Variants in LAMB1 observed in about 807,000 individuals in gnomAD.
LAMB1 encodes laminin subunit beta 1.
In LAMB1, 121 loss-of-function variants were observed where a neutral mutation model predicts 222.3. The ratio of observed to expected loss-of-function variants is 0.54; its 90% confidence interval spans 0.47 to 0.63. The LOEUF is 0.63. LAMB1 is among the 30% of genes least tolerant of loss of function. LAMB1 has a pLI of 0.00. For synonymous variants in LAMB1, 794 were observed against 807.2 expected (o/e 0.98, Z 0.28); for missense variants, 2,172 against 2,240.8 (o/e 0.97, Z 0.62).
At chr7:107,928,703 C>T (rs753134144) in intron 31 of LAMB1, among the ~76,000 whole-genome samples, 70 of 152,220 alleles carry the variant, frequency 4.6e-4, no homozygotes, top group Non-Finnish European at 8.1e-4. Context: ...ATGTTGGCCA[C>T]GCTGGTCTTG....
rs1157502197 is a variant in LAMB1, at chr7:107,933,986, A to AT, written c.4188+1428dup. On this transcript the variant is annotated intron_variant, in intron 27 of 33. Coordinates refer to ENST00000222399, the MANE Select transcript of LAMB1 (RefSeq NM_002291.3). Reference sequence around the variant, plus strand: ...ACACAGAACTTGTTTGTGATAACTGATTTTTTTTTTTTAACTACAATATGT... The same window carrying AT: ...ACACAGAACTTGTTTGTGATAACTGATTTTTTTTTTTTTAACTACAATATGT... Among the ~76,000 whole-genome samples the AT allele has an allele frequency of 4.6e-3, 676 of 147,796 alleles. 4 individuals carry two copies. Among genetic ancestry groups the AT allele is most frequent in the African/African-American group, 0.013 (541 of 40,604 alleles).
chr7:107,963,570 C>T (rs1281434769), intron 14 of LAMB1, among the ~76,000 whole-genome samples: 1 of 152,154 alleles, frequency 6.6e-6, no homozygotes, highest in Non-Finnish European at 1.5e-5. Flanking sequence ...TTTTTAATAC[C>T]TGTGGTTGGT....
At chr7:107,965,725 T>C (rs550646516) in intron 13 of LAMB1, among the ~76,000 whole-genome samples, 1 of 152,286 alleles carries the variant, frequency 6.6e-6, no homozygotes, top group South Asian at 2.1e-4. Flanking sequence ...TTCTTTCTTT[T>C]TTTCTCATCC....
At chr7:107,979,811 C>T (rs2255885) in intron 8 of LAMB1, among the ~76,000 whole-genome samples, 2,230 of 152,312 alleles carry the variant, frequency 0.015, 51 homozygotes, top group African/African-American at 0.051. Context: ...CATTGGCTCA[C>T]GCCTGTAATT....
At chr7:107,954,247 C>T (rs2033326631) in intron 21 of LAMB1, among the ~76,000 whole-genome samples, 1 of 152,034 alleles carries the variant, frequency 6.6e-6, no homozygotes, top group African/African-American at 2.4e-5. Flanking sequence ...CCTGAATTTC[C>T]GGGCTCAAGG....
In LAMB1 at chr7:107,932,358, C is replaced by T. The variant is rs771327908; in HGVS notation, c.4208G>A (p.Gly1403Glu). The T allele has an allele frequency of 4.3e-6, 7 of 1,614,178 alleles. No individual in the cohort carries two copies. The East Asian group carries it at 6.7e-5, about 15-fold the overall frequency. Residue 1403 changes from glycine (G) to glutamate (E), a missense_variant, in exon 28 of 34, where the codon GGG becomes GAG. Physicochemically the swap from Gly to Glu is moderately conservative, Grantham distance 98. Transcript: ENST00000222399. ...AAEMTCGTPP[G>E]ASCSETECGG... Reference sequence around the variant, plus strand: ...ACATTCAGTCTCGGAACAGGAGGCCCCTGGGGGTGTTCCACAGGTCTGCAA... The same window carrying T: ...ACATTCAGTCTCGGAACAGGAGGCCTCTGGGGGTGTTCCACAGGTCTGCAA...
At chr7:107,956,957 AG>A (rs1368017060) in intron 20 of LAMB1, among the ~76,000 whole-genome samples, 3 of 152,376 alleles carry the variant, frequency 2.0e-5, no homozygotes, top group Non-Finnish European at 2.9e-5. Context: ...GGGTCCTTAA[AG>A]CAATACATTC....
At chr7:107,975,958 A>AG in intron 9 of LAMB1, 81 bp from the exon 10 acceptor site, 1 of 1,256,304 alleles carries the variant, frequency 8.0e-7, no homozygotes, top group Non-Finnish European at 1.1e-6. Flanking sequence ...AAGATCCTTT[A>AG]GGAAACCAGG....
At chr7:107,961,703 G>C in intron 15 of LAMB1, 27 bp from the exon 16 acceptor site, 1 of 1,603,368 alleles carries the variant, frequency 6.2e-7, no homozygotes, top group Non-Finnish European at 8.5e-7. Flanking sequence ...ACAATGAAAA[G>C]ATAGTTAGCC....
Position 107,973,029 on chromosome 7 carries a change from G to A in LAMB1, c.1525C>T (p.Pro509Ser), listed in dbSNP as rs760662838. The A allele has an allele frequency of 1.9e-6, 3 of 1,614,028 alleles. No individual in the cohort carries two copies. In the South Asian group the frequency reaches 3.3e-5, roughly 18 times the overall value. The change falls in exon 13 of 34, where the codon CCA becomes TCA. Residue 509 changes from proline (P) to serine (S), a missense_variant. Pro to Ser is a moderately conservative substitution (Grantham distance 74). Coordinates refer to ENST00000222399, the MANE Select transcript of LAMB1 (RefSeq NM_002291.3). The part of the protein sequence containing the change: ...GLSNDLDGCR[P>S]CDCDLGGALN... ...GCTCCCCCAAGGTCACAGTCACATG[G>A]TCGACATCCATCCAAATCATTGCTT... is the stretch of plus-strand genomic sequence containing the variant.
rs2033543614 is a variant in LAMB1 at position 107,962,973 on chromosome 7, A to G, written c.1789T>C (p.Leu597=). The change falls in exon 15 of 34, where the codon TTG becomes CTG. Residue 597 remains leucine, a synonymous_variant. Transcript: ENST00000222399. ...GGTATGTTGTCAATGAAAAACTCCAAATAAGCCCCTTCAGGCACTCGGACG... is the reference window on the plus strand; with the variant it reads ...GGTATGTTGTCAATGAAAAACTCCAGATAAGCCCCTTCAGGCACTCGGACG... ...GFVRVPEGAY[L]EFFIDNIPYS... is the part of the protein sequence containing the mutation. The G allele has an allele frequency of 6.2e-7, 1 of 1,614,066 alleles. No individual in the cohort carries two copies.
chr7:107,977,157 A>T (rs2033883895), intron 9 of LAMB1, among the ~76,000 whole-genome samples: 1 of 147,490 alleles, frequency 6.8e-6, no homozygotes, highest in Non-Finnish European at 1.5e-5. Context: ...ATCAAGGGCC[A>T]TCTGGTTTTT....
chr7:107,947,983 CTTTTTTT>C (rs10630521), intron 24 of LAMB1, among the ~76,000 whole-genome samples: 7 of 117,256 alleles, frequency 6.0e-5, no homozygotes, highest in Non-Finnish European at 8.3e-5. Context: ...TCTTCTTCTT[CTTTTTTT>C]TTTTTTTTTT....
chr7:107,935,350 T>TTTTG, intron 27 of LAMB1, 65 bp downstream of exon 27: 2 of 362,304 alleles, frequency 5.5e-6, no homozygotes, highest in South Asian at 8.1e-5. Context: ...TTTCTTTGTT[T>TTTTG]TTTTTTTTTT....
chr7:107,934,661 C>G (rs942434491), intron 27 of LAMB1, among the ~76,000 whole-genome samples: 5 of 152,054 alleles, frequency 3.3e-5, no homozygotes, highest in African/African-American at 1.2e-4. Context: ...AGCTAATACC[C>G]GTGAAAAAAT....
chr7:107,950,934 G>C lies in LAMB1; in HGVS notation c.3391+292C>G, dbSNP rs1584499305. Among the ~76,000 whole-genome samples, 3 of 89,808 alleles carry C rather than the reference G, an allele frequency of 3.3e-5. No individual in the cohort carries two copies. The East Asian group carries it at 2.4e-3, about 71-fold the overall frequency. The allele number at this position is 89,808 out of a possible 152,430, so 58.9% of individuals were successfully genotyped here. On this transcript the variant is annotated intron_variant, in intron 24 of 33. Coordinates refer to ENST00000222399, the MANE Select transcript of LAMB1 (RefSeq NM_002291.3). Reference sequence around the variant, plus strand: ...CTGTGTGTATTTGTGGTGTGTGTGTGTGTGTGTGTGTGTGTGTGTGTGTGT... The same window carrying C: ...CTGTGTGTATTTGTGGTGTGTGTGTCTGTGTGTGTGTGTGTGTGTGTGTGT...
At chr7:107,931,246 T>G in intron 29 of LAMB1, 110 bp downstream of exon 29, 1 of 923,384 alleles carries the variant, frequency 1.1e-6, no homozygotes, top group Non-Finnish European at 1.6e-6. Context: ...GACGTTTTTC[T>G]TATTTGGAAA....
Position 107,993,250 on chromosome 7 carries a change from C to T in LAMB1, c.423+1637G>A, listed in dbSNP as rs141485070. On this transcript the variant is annotated intron_variant, in intron 5 of 33. Transcript: ENST00000222399. Reference sequence around the variant, plus strand: ...CAGGGTTCAAACGATTCTCCTGCCTCGGCCTCCCAAGTAGCTGGGACTACA... The same window carrying T: ...CAGGGTTCAAACGATTCTCCTGCCTTGGCCTCCCAAGTAGCTGGGACTACA... Among the ~76,000 whole-genome samples, 1,202 of 152,280 alleles carry T rather than the reference C, an allele frequency of 7.9e-3. 12 individuals carry two copies. Among genetic ancestry groups the T allele is most frequent in the Middle Eastern group, 0.014 (4 of 294 alleles).
At chr7:107,994,048 C>G (rs77827204) in intron 5 of LAMB1, among the ~76,000 whole-genome samples, 1,888 of 152,314 alleles carry the variant, frequency 0.012, 37 homozygotes, top group East Asian at 0.043. Context: ...ATCCTTGGCA[C>G]CTTTTCCTAT....
Sources: allele counts gnomAD v4.1 joint callset (sites outside exome capture counted in the v4.1 genomes callset), GRCh38; gene constraint gnomAD v4.1.1; transcripts MANE v1.5; gene names NCBI Gene and HGNC (gene_info 2026-07-23, HGNC 2026-07-21).